Variants in KIF13A observed in about 807,000 individuals in gnomAD.
KIF13A encodes the protein kinesin family member 13A.
A neutral mutation model predicts 212.2 loss-of-function variants in KIF13A; 79 were observed. That is an observed-to-expected ratio of 0.37 (90% CI 0.31 to 0.45). KIF13A has a LOEUF of 0.45. Ranked by LOEUF, KIF13A falls within the 20% of genes least tolerant of loss-of-function variation. The pLI is 1.00. For missense variants in KIF13A, 1,901 were observed against 2,209.0 expected (o/e 0.86, Z 2.79); for synonymous variants, 789 against 808.6 (o/e 0.98, Z 0.41).
At position 17,899,069 on chromosome 6, in the gene KIF13A, C is replaced by T. The variant is rs1423767376; in HGVS notation, c.147-889G>A. ...TCTCAAACTCCTGACCTCAAGCAAT[C>T]CCCCCACCTCAGCCTCCCAAAGTGC... On this transcript the variant is annotated intron_variant, in intron 2 of 38. Coordinates refer to ENST00000259711, the MANE Select transcript of KIF13A (RefSeq NM_022113.6). This position sits in a 1 kb window ranked among gnomAD's most constrained non-coding sequence, Gnocchi z 5.2. Among the ~76,000 whole-genome samples the T allele has an allele frequency of 9.9e-5, 15 of 152,162 alleles. No individual in the cohort carries two copies.
chr6:17,824,178 G>A (rs1447993040), intron 16 of KIF13A, among the ~76,000 whole-genome samples: 3 of 151,990 alleles, frequency 2.0e-5, no homozygotes, highest in Non-Finnish European at 2.9e-5. Flanking sequence ...AAAGTGCTGC[G>A]ATTTACAGGC....
At chr6:17,901,517 G>A (rs567223392) in intron 2 of KIF13A, among the ~76,000 whole-genome samples, 15 of 152,112 alleles carry the variant, frequency 9.9e-5, no homozygotes, top group Non-Finnish European at 2.1e-4. Flanking sequence ...GCAGCCAACT[G>A]AGCATTAGTT....
At chr6:17,903,236 T>C (rs532030376) in intron 2 of KIF13A, among the ~76,000 whole-genome samples, 1 of 152,330 alleles carries the variant, frequency 6.6e-6, no homozygotes, top group South Asian at 2.1e-4. Context: ...TCAGAGACTT[T>C]GACATGCTAA....
At position 17,926,521 on chromosome 6, in the gene KIF13A, C is replaced by G. The variant is rs373246157; in HGVS notation, c.147-28341G>C. ...TGCTGGTATTACAGGTGTGAGCCAC[C>G]ATGCCTGGCCCCTGGTACGTTTCTT... On this transcript the variant is annotated intron_variant, in intron 2 of 38. Coordinates refer to ENST00000259711, the MANE Select transcript of KIF13A (RefSeq NM_022113.6). This position sits in a 1 kb window ranked among gnomAD's most constrained non-coding sequence, Gnocchi z 4.3. 1.4e-4 allele frequency among the ~76,000 whole-genome samples: 21 copies of G among 152,138 alleles called. No individual in the cohort carries two copies. The highest frequency in any genetic ancestry group is 4.8e-4 in the African/African-American group (20 of 41,426).
At chr6:17,821,780 A>G in intron 16 of KIF13A, 1 of 1,535,296 alleles carries the variant, frequency 6.5e-7, no homozygotes, top group Non-Finnish European at 8.7e-7. Flanking sequence ...CCAATCAGTT[A>G]AAAACCTTTA....
chr6:17,941,627 A>C (rs962425544), intron 2 of KIF13A, among the ~76,000 whole-genome samples: 1 of 152,052 alleles, frequency 6.6e-6, no homozygotes, highest in Admixed American at 6.5e-5. Flanking sequence ...CAAGCCAAGG[A>C]GAGAAGTCTC....
chr6:17,904,551 C>T (rs553869581), intron 2 of KIF13A, among the ~76,000 whole-genome samples: 1 of 152,300 alleles, frequency 6.6e-6, no homozygotes, highest in Admixed American at 6.5e-5. Context: ...GAAGTCTGTA[C>T]TTAATTTAGT....
At chr6:17,861,998 A>T (rs1244775098) in intron 4 of KIF13A, among the ~76,000 whole-genome samples, 1 of 151,952 alleles carries the variant, frequency 6.6e-6, no homozygotes, top group Non-Finnish European at 1.5e-5. Context: ...ATTTTCTTCT[A>T]GTTTTATTTT....
chr6:17,809,604 G>C lies in KIF13A; in HGVS notation c.2001-674C>G, dbSNP rs1763258811. ...TAGGCTGTTAGGTTGCCCCAAGGCA[G>C]GGACCATGTCTTTTTTTGCTTGCAC... On this transcript the variant is annotated intron_variant, in intron 17 of 38. Transcript: ENST00000259711. The surrounding 1 kb of genome is among the most constrained non-coding windows in gnomAD (Gnocchi z 4.7). 6.6e-6 allele frequency among the ~76,000 whole-genome samples: 1 copy of C among 152,190 alleles called. No individual in the cohort carries two copies. Among genetic ancestry groups the C allele is most frequent in the Non-Finnish European group, 1.5e-5 (1 of 68,048 alleles).
intron 2 of KIF13A, among the ~76,000 whole-genome samples, chr6:17,941,017 G>T (rs1051225829): frequency 6.6e-6 from 1 of 151,690 alleles, no homozygotes; most frequent in East Asian, 1.9e-4. Flanking sequence ...TAGAGACAGG[G>T]TTTCTCCATG....
At chr6:17,922,378 A>G (rs1775149669) in intron 2 of KIF13A, among the ~76,000 whole-genome samples, 1 of 152,240 alleles carries the variant, frequency 6.6e-6, no homozygotes. Flanking sequence ...ACAAACCTGG[A>G]GGATGGAAAA....
At chr6:17,793,237 C>G (rs1053339316) in intron 25 of KIF13A, among the ~76,000 whole-genome samples, 6 of 152,028 alleles carry the variant, frequency 3.9e-5, no homozygotes, top group Non-Finnish European at 8.8e-5. Context: ...TGCACCACGA[C>G]ACCTGGCTAA....
chr6:17,948,548 A>T (rs956039009), intron 2 of KIF13A, among the ~76,000 whole-genome samples: 12 of 142,532 alleles, frequency 8.4e-5, no homozygotes, highest in Non-Finnish European at 1.7e-4. Context: ...ACCACATAAC[A>T]TCCATTTACT....
Position 17,787,838 on chromosome 6 carries a change from T to G in KIF13A, c.3299A>C (p.Asp1100Ala). 1 of 1,613,226 alleles carries G rather than the reference T, an allele frequency of 6.2e-7. No individual in the cohort carries two copies. The highest frequency in any genetic ancestry group is 1.7e-5 in the Admixed American group (1 of 60,024). Residue 1100 changes from aspartate to alanine, a missense_variant, in exon 27 of 39, where the codon GAT (aspartate) becomes GCT (alanine). By Grantham distance (126) the Asp-to-Ala change is moderately radical. Transcript: ENST00000259711. The surrounding 1 kb of genome is among the most constrained non-coding windows in gnomAD (Gnocchi z 4.6). ...DLNCVRERWS[D>A]ALIKRREYLD... ...GTATTCTCGTCGTTTAATGAGTGCA[T>G]CTGACCACCTCTCCCTTACGCAGTT...
chr6:17,879,592 G>A (rs1770877843), intron 3 of KIF13A, among the ~76,000 whole-genome samples: 1 of 152,152 alleles, frequency 6.6e-6, no homozygotes, highest in South Asian at 2.1e-4. Context: ...AAACAAGCAA[G>A]GGCATATCAT....
At chr6:17,844,503 C>A (rs1043373945) in intron 9 of KIF13A, among the ~76,000 whole-genome samples, 1 of 152,170 alleles carries the variant, frequency 6.6e-6, no homozygotes, top group Non-Finnish European at 1.5e-5. Flanking sequence ...TACTGCAGGA[C>A]GTCTCCGAGC....
At chr6:17,762,558 G>C (rs1337248655), downstream of KIF13A, among the ~76,000 whole-genome samples, 1 of 152,086 alleles carries the variant, frequency 6.6e-6, no homozygotes, top group East Asian at 1.9e-4. Flanking sequence ...CTTGCCCCTA[G>C]AGTTTGTAGC....
chr6:17,766,484 C>T (rs1258431016), intron 38 of KIF13A, among the ~76,000 whole-genome samples: 1 of 152,056 alleles, frequency 6.6e-6, no homozygotes, highest in South Asian at 2.1e-4. Context: ...GTGATCTGCC[C>T]GTCTCAGCCT....
rs1417007742 is a variant in KIF13A at position 17,774,985 on chromosome 6, A to G, written c.4218+30T>C. On this transcript the variant is annotated intron_variant, in intron 35 of 38. Coordinates refer to ENST00000259711, the MANE Select transcript of KIF13A (RefSeq NM_022113.6). Reference sequence around the variant, plus strand: ...CAACTTTCCAGACTAAGATTCTACTAAAAACCTAGCCATGCCCATAGGTGC... The same window carrying G: ...CAACTTTCCAGACTAAGATTCTACTGAAAACCTAGCCATGCCCATAGGTGC... The G allele has an allele frequency of 9.4e-6, 15 of 1,587,714 alleles. No individual in the cohort carries two copies. The Admixed American group carries it at 1.2e-4, about 13-fold the overall frequency.
Sources: gnomAD v4.1 joint callset for allele counts (sites outside exome capture counted in the v4.1 genomes callset) on GRCh38, gnomAD v4.1.1 for gene constraint, Gnocchi (gnomAD v3.1) non-coding constraint, MANE v1.5 for transcripts, NCBI Gene and HGNC (gene_info 2026-07-23, HGNC 2026-07-21) for gene names.